Variants in NPIPB2 observed in about 807,000 individuals in gnomAD.
NPIPB2 encodes nuclear pore complex interacting protein family member B2, also known as nuclear pore complex-interacting protein family member B2.
Under a neutral mutation model 30.8 loss-of-function variants are expected in NPIPB2, and 27 were observed. The observed-to-expected ratio is 0.88, with a 90% CI of 0.65 to 1.21. The LOEUF is 1.21. NPIPB2 is among the 50% of genes most tolerant of loss of function. The pLI is 0.00. For missense variants in NPIPB2, 440 were observed against 446.2 expected (o/e 0.99, Z 0.13); for synonymous variants, 147 against 162.0 (o/e 0.91, Z 0.70).
At chr16:11,960,220 T>C (rs419029) in intron 1 of NPIPB2, among the ~76,000 whole-genome samples, 148,624 of 152,322 alleles carry the variant, frequency 0.98, 72,618 homozygotes, top group East Asian at 1. Flanking sequence ...AGATGTGATG[T>C]CACAGTAAAC....
chr16:11,932,828 G>A (rs1156709653), intron 4 of NPIPB2, among the ~76,000 whole-genome samples: 1 of 133,232 alleles, frequency 7.5e-6, no homozygotes, highest in Non-Finnish European at 1.6e-5. Flanking sequence ...AAATGTGGTG[G>A]CACACACCTG....
intron 1 of NPIPB2, among the ~76,000 whole-genome samples, chr16:11,952,569 T>C (rs1318209966): frequency 4.1e-5 from 6 of 147,444 alleles, no homozygotes; most frequent in African/African-American, 1.2e-4. Flanking sequence ...CTTTCTCTTT[T>C]TTTTTTTTTT....
chr16:11,951,357 G>A (rs1331516153), intron 1 of NPIPB2, among the ~76,000 whole-genome samples: 10 of 149,454 alleles, frequency 6.7e-5, no homozygotes, highest in Non-Finnish European at 1.5e-4. Context: ...CCAGCTACTC[G>A]GGAGGCTGAG....
chr16:11,941,239 C>A (rs1401476674), intron 1 of NPIPB2: 10 of 1,522,546 alleles, frequency 6.6e-6, no homozygotes, highest in Non-Finnish European at 8.8e-6. Context: ...CCACAGCACC[C>A]GCATGTCCTG....
intron 1 of NPIPB2, among the ~76,000 whole-genome samples, chr16:11,939,226 T>C (rs2054906649): frequency 6.6e-6 from 1 of 151,104 alleles, no homozygotes; most frequent in Non-Finnish European, 1.5e-5. Flanking sequence ...AATGAAGAGA[T>C]TACTTCATTC....
At chr16:11,955,857 A>T (rs1017382423) in intron 1 of NPIPB2, among the ~76,000 whole-genome samples, 2 of 112,818 alleles carry the variant, frequency 1.8e-5, no homozygotes, top group Non-Finnish European at 3.7e-5. Context: ...GAAACGTTTA[A>T]TCCCACTCCA....
intron 1 of NPIPB2, among the ~76,000 whole-genome samples, chr16:11,949,050 G>T (rs1163678148): frequency 6.6e-6 from 1 of 151,968 alleles, no homozygotes; most frequent in Non-Finnish European, 1.5e-5. Flanking sequence ...GGAGGCGGCT[G>T]AGATGGGAGG....
intron 1 of NPIPB2, among the ~76,000 whole-genome samples, chr16:11,973,660 C>G (rs940520224): frequency 6.6e-6 from 1 of 151,938 alleles, no homozygotes; most frequent in Admixed American, 6.6e-5. Context: ...TTCTACCTCC[C>G]GGGTTCAAGC....
At chr16:11,953,692 T>C (rs970923652) in intron 1 of NPIPB2, among the ~76,000 whole-genome samples, 2 of 148,986 alleles carry the variant, frequency 1.3e-5, no homozygotes, top group African/African-American at 2.5e-5. Context: ...TGCTTTCAGA[T>C]CATCCTTTTA....
At chr16:11,962,489 G>C (rs1465403444) in intron 1 of NPIPB2, among the ~76,000 whole-genome samples, 1 of 151,696 alleles carries the variant, frequency 6.6e-6, no homozygotes, top group African/African-American at 2.4e-5. Context: ...GTGGGTGCCT[G>C]TAGTCCCAGC....
At position 11,927,697 on chromosome 16, in the gene NPIPB2, TGGAAG is replaced by T. The variant is rs2054747832; in HGVS notation, c.865_869del (p.Leu289ThrfsTer5). 6.2e-7 allele frequency: 1 copy of T among 1,601,396 alleles called. No individual in the cohort carries two copies. The highest frequency in any genetic ancestry group is 1.3e-5 in the African/African-American group (1 of 74,742). ...TCTTGAGATTATCATCCGCTGAGGG[TGGAAG>T]GGGAGTGAGCAGACACTCGGGAGGT... is the stretch of plus-strand genomic sequence containing the variant. On this transcript the variant is annotated frameshift_variant, in exon 8 of 8. Coordinates refer to ENST00000399147, the Ensembl canonical transcript of NPIPB2. LOFTEE classifies it high-confidence loss of function.
At chr16:11,934,523 A>C (rs1481026321) in intron 2 of NPIPB2, among the ~76,000 whole-genome samples, 1 of 142,476 alleles carries the variant, frequency 7.0e-6, no homozygotes, top group Non-Finnish European at 1.5e-5. Flanking sequence ...ATTGCACTCC[A>C]ACCTGGGCAA....
chr16:11,955,353 CAAA>C (rs34066078), intron 1 of NPIPB2, among the ~76,000 whole-genome samples: 2 of 46,636 alleles, frequency 4.3e-5, no homozygotes. Flanking sequence ...AACTCTGTGT[CAAA>C]AAAAAAAAAA....
intron 7 of NPIPB2, 65 bp from the exon 8 acceptor site, chr16:11,927,944 AAC>A (rs2054753086): frequency 1.1e-5 from 8 of 755,688 alleles, no homozygotes; most frequent in Admixed American, 3.3e-5. Context: ...TACCGCCACC[AAC>A]ACAGTCTGCA....
intron 1 of NPIPB2, among the ~76,000 whole-genome samples, chr16:11,965,938 T>C (rs11075037): frequency 0.12 from 17,672 of 152,020 alleles, 1,504 homozygotes; most frequent in African/African-American, 0.21. Flanking sequence ...GGTGAAACCC[T>C]GTCTCTACTA....
chr16:11,951,591 T>C (rs569387925), intron 1 of NPIPB2, among the ~76,000 whole-genome samples: 7 of 143,364 alleles, frequency 4.9e-5, no homozygotes, highest in Admixed American at 4.3e-4. Flanking sequence ...TAGCAGGCAC[T>C]GGCACTGATA....
chr16:11,933,525 G>A, exon 4 of NPIPB2: 1 of 1,596,818 alleles, frequency 6.3e-7, no homozygotes, highest in Non-Finnish European at 8.5e-7. Flanking sequence ...ACTGTTTTTT[G>A]GCGGTCTTCC....
rs1186690178 is a variant in NPIPB2, at chr16:11,939,559, CAA to C, written c.64-1893_64-1892del. The stretch of plus-strand genomic sequence containing the variant: ...TGGGTGACAGAGCGAGACTCTGTCT[CAA>C]AAAAAAAAAAAAAAAAAAAAATTAC... On this transcript the variant is annotated intron_variant, in intron 1 of 7. Coordinates refer to ENST00000399147, the Ensembl canonical transcript of NPIPB2. Among the ~76,000 whole-genome samples, 111 of 29,048 alleles carry C rather than the reference CAA, an allele frequency of 3.8e-3. 1 individual carries two copies. Among genetic ancestry groups the C allele is most frequent in the African/African-American group, 0.012 (105 of 8,706 alleles). The allele number at this position is 29,048 out of a possible 152,430, so 19.1% of individuals were successfully genotyped here. A position where few individuals can be genotyped will look rare whatever the true frequency, so the allele number is the denominator to read the frequency against.
upstream of NPIPB2, among the ~76,000 whole-genome samples, chr16:11,944,355 C>T (rs201251433): frequency 3.1e-4 from 47 of 151,690 alleles, no homozygotes; most frequent in African/African-American, 9.4e-4. Context: ...TTAGTAGAGA[C>T]GGGGGTTTCA....
Sources: allele counts gnomAD v4.1 joint callset (sites outside exome capture counted in the v4.1 genomes callset), GRCh38; gene constraint gnomAD v4.1.1; transcripts MANE v1.5; gene names NCBI Gene and HGNC (gene_info 2026-07-23, HGNC 2026-07-21).